Variants in MAPKAPK5 observed in about 807,000 individuals in gnomAD.
The protein encoded by MAPKAPK5 is MAP kinase-activated protein kinase 5.
MAPKAPK5 carries 30 observed loss-of-function variants against 65.1 expected under a neutral mutation model. That is an observed-to-expected ratio of 0.46 (90% confidence interval 0.34 to 0.63). The LOEUF (loss-of-function observed/expected upper bound fraction) is 0.63. MAPKAPK5 is among the 20% of genes least tolerant of loss of function. The pLI, the probability that MAPKAPK5 is intolerant of heterozygous loss-of-function variation, is 0.01. For synonymous variants in MAPKAPK5, 179 were observed against 204.6 expected (o/e 0.87, Z 1.07); for missense variants, 433 against 581.4 (o/e 0.74, Z 2.63).
chr12:111,865,338 T>C lies in MAPKAPK5; in HGVS notation c.110+15T>C. Reference sequence around the variant, plus strand: ...GGTCCAGTTAGGTAAGAGATCCATATGAGAAACTATGGCAAATTGTTGGCA... The same window carrying C: ...GGTCCAGTTAGGTAAGAGATCCATACGAGAAACTATGGCAAATTGTTGGCA... On this transcript the variant is annotated intron_variant, in intron 2 of 13. Coordinates refer to ENST00000550735, the MANE Select transcript of MAPKAPK5 (RefSeq NM_003668.4). 1 of 1,561,976 alleles carries C rather than the reference T, an allele frequency of 6.4e-7. No homozygotes were observed.
chr12:111,851,905 GTT>G (rs925476682), intron 1 of MAPKAPK5, among the ~76,000 whole-genome samples: 4 of 152,186 alleles, frequency 2.6e-5, no homozygotes, highest in African/African-American at 7.2e-5. Context: ...AGGGTGAAGA[GTT>G]TTAAGGTACA....
At chr12:111,875,842 C>T (rs1277492390) in intron 7 of MAPKAPK5, among the ~76,000 whole-genome samples, 1 of 152,114 alleles carries the variant, frequency 6.6e-6, no homozygotes, top group African/African-American at 2.4e-5. Context: ...CCCCATCTCT[C>T]CTTGGAAGGG....
At chr12:111,860,363 C>T (rs777048466) in intron 1 of MAPKAPK5, among the ~76,000 whole-genome samples, 1 of 152,182 alleles carries the variant, frequency 6.6e-6, no homozygotes, top group Non-Finnish European at 1.5e-5. Context: ...TATAATTTCC[C>T]AGTCAGTGAT....
intron 2 of MAPKAPK5, among the ~76,000 whole-genome samples, chr12:111,865,932 C>G (rs1246537450): frequency 6.6e-6 from 1 of 151,450 alleles, no homozygotes; most frequent in Non-Finnish European, 1.5e-5. Context: ...CATTGACCCA[C>G]AGCCCCAAAA....
chr12:111,848,410 C>T (rs1593117725), intron 1 of MAPKAPK5, among the ~76,000 whole-genome samples: 2 of 148,460 alleles, frequency 1.3e-5, no homozygotes. Context: ...ATCTTTTGCC[C>T]CATTTTTTTT....
chr12:111,892,375 A>G (rs1161411562), intron 13 of MAPKAPK5, among the ~76,000 whole-genome samples: 1 of 152,120 alleles, frequency 6.6e-6, no homozygotes, highest in African/African-American at 2.4e-5. Context: ...CAGTTTTTCA[A>G]AGTGAATTTA....
In MAPKAPK5 at chr12:111,880,331, T is replaced by C. The variant is rs75808785; in HGVS notation, c.580-116T>C. On this transcript the variant is annotated intron_variant, in intron 7 of 13. Coordinates refer to ENST00000550735, the MANE Select transcript of MAPKAPK5 (RefSeq NM_003668.4). The stretch of plus-strand genomic sequence containing the variant: ...TGTAGTGTTTATGTGGAGTTTTTTT[T>C]CGATGGCTGATTGCCAGTTGTTTAC... The C allele has an allele frequency of 4.3e-4, 353 of 824,884 alleles. No individual in the cohort carries two copies. The African/African-American group carries it at 5.2e-3, about 12-fold the overall frequency. The allele number at this position is 824,884 out of a possible 1,614,324, so 51.1% of individuals were successfully genotyped here. A position where few individuals can be genotyped will look rare whatever the true frequency, so the allele number is the denominator to read the frequency against.
Position 111,888,595 on chromosome 12 carries a change from T to C in MAPKAPK5, c.1077T>C (p.Ile359=). ...CCCTGCACTCAGTGAACAACCCCAT[T>C]CTGCGGAAGAGGAAGTTACTTGGGT... is the stretch of plus-strand genomic sequence containing the variant. The part of the protein sequence containing the change: ...LKPLHSVNNP[I]LRKRKLLGTK... Residue 359 remains isoleucine, a synonymous_variant, in exon 11 of 14, where the codon ATT becomes ATC. Coordinates refer to ENST00000550735, the MANE Select transcript of MAPKAPK5 (RefSeq NM_003668.4). 1 of 1,613,668 alleles carries C rather than the reference T, an allele frequency of 6.2e-7. No individual in the cohort carries two copies. The highest frequency in any genetic ancestry group is 1.3e-5 in the African/African-American group (1 of 75,032).
At chr12:111,870,897 C>T (rs767500210) in intron 6 of MAPKAPK5, among the ~76,000 whole-genome samples, 188 bp from the exon 7 acceptor site, 5 of 152,150 alleles carry the variant, frequency 3.3e-5, no homozygotes, top group Non-Finnish European at 7.3e-5. Flanking sequence ...CTTACTTCTG[C>T]ATTACTAAGG....
chr12:111,869,923 C>G (rs1735680040), intron 5 of MAPKAPK5, among the ~76,000 whole-genome samples: 1 of 152,206 alleles, frequency 6.6e-6, no homozygotes, highest in Admixed American at 6.5e-5. Flanking sequence ...GACCATTGCT[C>G]AGCTTAGGTG....
intron 1 of MAPKAPK5, among the ~76,000 whole-genome samples, chr12:111,845,751 C>T (rs1842783923): frequency 6.6e-6 from 1 of 151,890 alleles, no homozygotes; most frequent in Non-Finnish European, 1.5e-5. Context: ...GCGAGACCCC[C>T]GTCTCTACTA....
Position 111,899,772 on chromosome 12 carries a change from T to A in MAPKAPK5, c.*6711T>A. 2.7e-6 allele frequency: 1 copy of A among 375,052 alleles called. No homozygotes were observed. Among genetic ancestry groups the A allele is most frequent in the Middle Eastern group, 6.9e-4 (1 of 1,442 alleles). The allele number at this position is 375,052 out of a possible 1,614,324, so 23.2% of individuals were successfully genotyped here. On this transcript the variant is annotated 3_prime_UTR_variant, in exon 14 of 14. Transcript: ENST00000550735. ...CATCTGTGCAGGTCTCAGGGGCACA[T>A]CCTCCTGATTAAGGAGGAAAAATCT...
chr12:111,847,449 C>T (rs957423044), intron 1 of MAPKAPK5, among the ~76,000 whole-genome samples: 6 of 152,032 alleles, frequency 3.9e-5, no homozygotes, highest in Non-Finnish European at 8.8e-5. Flanking sequence ...TCCCATAGCC[C>T]CATGACTTTG....
At chr12:111,855,795 C>T (rs1210371872) in intron 1 of MAPKAPK5, among the ~76,000 whole-genome samples, 1 of 151,642 alleles carries the variant, frequency 6.6e-6, no homozygotes, top group African/African-American at 2.4e-5. Flanking sequence ...CCACTGTACT[C>T]CAGCCTGGTG....
chr12:111,891,805 T>TTC lies in MAPKAPK5; in HGVS notation c.1322-1161_1322-1160insCT, dbSNP rs200797104. Among the ~76,000 whole-genome samples the TTC allele has an allele frequency of 4.0e-3, 562 of 141,432 alleles. 27 individuals carry two copies. Among genetic ancestry groups the TTC allele is most frequent in the Admixed American group, 0.033 (484 of 14,506 alleles). The allele number at this position is 141,432 out of a possible 152,430, so 92.8% of individuals were successfully genotyped here. On this transcript the variant is annotated intron_variant, in intron 13 of 13. Coordinates refer to ENST00000550735, the MANE Select transcript of MAPKAPK5 (RefSeq NM_003668.4). ...CTGGGCAACAGAGAGAGACTCCGTC[T>TTC]TTAAAAAAAAAAAAGGGAAAAAAAA...
chr12:111,857,205 A>C (rs1453476761), intron 1 of MAPKAPK5, among the ~76,000 whole-genome samples: 2 of 148,408 alleles, frequency 1.3e-5, no homozygotes, highest in Non-Finnish European at 3.0e-5. Context: ...CTGTTCTAGT[A>C]CTTTCTGTTC....
intron 8 of MAPKAPK5, chr12:111,882,949 C>G: frequency 1.8e-6 from 1 of 569,442 alleles, no homozygotes; most frequent in Non-Finnish European, 2.2e-6. Context: ...GGCAAAGCAT[C>G]CTATACCTGT....
At chr12:111,843,888 C>T (rs561249745) in intron 1 of MAPKAPK5, among the ~76,000 whole-genome samples, 11 of 152,348 alleles carry the variant, frequency 7.2e-5, no homozygotes, top group African/African-American at 2.4e-4. Context: ...TCTTGGCTCA[C>T]TGCAAGTTCC....
chr12:111,851,770 C>T (rs1004873873), intron 1 of MAPKAPK5, among the ~76,000 whole-genome samples: 5 of 152,222 alleles, frequency 3.3e-5, no homozygotes, highest in Non-Finnish European at 7.3e-5. Flanking sequence ...TGGAAGCCAT[C>T]AGGCCTGAAA....
Sources: gnomAD v4.1 joint callset for allele counts (sites outside exome capture counted in the v4.1 genomes callset) on GRCh38, gnomAD v4.1.1 for gene constraint, MANE v1.5 for transcripts, NCBI Gene and HGNC (gene_info 2026-07-23, HGNC 2026-07-21) for gene names.